Variants in EIF4G3 observed in about 807,000 individuals in gnomAD.
The protein encoded by EIF4G3 is eIF-4-gamma 3.
A neutral mutation model predicts 186.4 loss-of-function variants in EIF4G3; 34 were observed. The ratio of observed to expected loss-of-function variants is 0.18; its 90% CI spans 0.14 to 0.24. The LOEUF is 0.24. EIF4G3 is among the 10% of genes least tolerant of loss of function. The probability of loss-of-function intolerance (pLI) is 1.00; values close to 1 mark genes in which losing one functional copy is unlikely to be tolerated. For synonymous variants in EIF4G3, 673 were observed against 679.5 expected (o/e 0.99, Z 0.15); for missense variants, 1,536 against 1,948.5 (o/e 0.79, Z 3.99).
At chr1:21,060,339 G>A (rs1247462895) in intron 3 of EIF4G3, among the ~76,000 whole-genome samples, 3 of 152,208 alleles carry the variant, frequency 2.0e-5, no homozygotes, top group Non-Finnish European at 4.4e-5. Flanking sequence ...AATAAGGGGT[G>A]CCAGTGAATA....
intron 15 of EIF4G3, among the ~76,000 whole-genome samples, chr1:20,901,241 T>G (rs928894850): frequency 1.3e-5 from 2 of 152,142 alleles, no homozygotes; most frequent in Admixed American, 6.5e-5. Flanking sequence ...GTAGGTATCA[T>G]TTAAACATTG....
chr1:20,962,926 T>TTTTG (rs1558459454), intron 12 of EIF4G3, among the ~76,000 whole-genome samples: 1 of 150,890 alleles, frequency 6.6e-6, no homozygotes, highest in African/African-American at 2.4e-5. Context: ...TTTGTTTTTT[T>TTTTG]TTTTTTTGAG....
At chr1:20,972,213 GTTT>G (rs976024654) in intron 11 of EIF4G3, among the ~76,000 whole-genome samples, 1 of 152,068 alleles carries the variant, frequency 6.6e-6, no homozygotes, top group African/African-American at 2.4e-5. Context: ...TCTAAACTCT[GTTT>G]TTTGTTTCTT....
chr1:20,853,938 G>T (rs1033464757), intron 26 of EIF4G3, among the ~76,000 whole-genome samples: 6 of 152,266 alleles, frequency 3.9e-5, no homozygotes, highest in African/African-American at 1.4e-4. Flanking sequence ...GTGGCATATA[G>T]GAGGAGGAAG....
At position 20,865,218 on chromosome 1, in the gene EIF4G3, G is replaced by T; in HGVS notation, c.2667C>A (p.Phe889Leu). 7 of 1,614,054 alleles carry T rather than the reference G, an allele frequency of 4.3e-6. No individual in the cohort carries two copies. Among genetic ancestry groups the T allele is most frequent in the Non-Finnish European group, 5.9e-6 (7 of 1,179,990 alleles). ...MADKPGNTVN[F>L]RKLLLNRCQK... ...GGCAACGGTTCAGTAGCAGCTTCCG[G>T]AAATTCACTGTGTTACCAGGCTTGT... is the stretch of plus-strand genomic sequence containing the variant. Residue 889 changes from phenylalanine to leucine, a missense_variant, in exon 21 of 37, where the codon TTC becomes TTA. Transcript: ENST00000602326.
At chr1:21,068,646 CTCTGTG>C (rs1557806098) in intron 3 of EIF4G3, among the ~76,000 whole-genome samples, 1 of 152,132 alleles carries the variant, frequency 6.6e-6, no homozygotes, top group African/African-American at 2.4e-5. Context: ...GATACGTCAC[CTCTGTG>C]TCTATTTGCC....
intron 8 of EIF4G3, among the ~76,000 whole-genome samples, chr1:20,981,497 T>C (rs956117510): frequency 3.7e-5 from 5 of 136,046 alleles, no homozygotes; most frequent in Non-Finnish European, 8.3e-5. Context: ...TACATACATG[T>C]ATACGCACAT....
intron 30 of EIF4G3, among the ~76,000 whole-genome samples, chr1:20,831,850 T>C (rs1306318687): frequency 6.9e-6 from 1 of 144,742 alleles, no homozygotes; most frequent in African/African-American, 2.6e-5. Context: ...TGAGTGAGAA[T>C]ATGCGGTGTT....
intron 7 of EIF4G3, among the ~76,000 whole-genome samples, chr1:20,990,406 G>A (rs1306596369): frequency 2.0e-5 from 3 of 151,870 alleles, no homozygotes; most frequent in Non-Finnish European, 4.4e-5. Context: ...CGGGTGCGGT[G>A]GCACACACCT....
chr1:20,924,565 T>C (rs2094728933), intron 14 of EIF4G3, among the ~76,000 whole-genome samples: 1 of 152,116 alleles, frequency 6.6e-6, no homozygotes, highest in Non-Finnish European at 1.5e-5. Context: ...ATTGTTCTTT[T>C]TGTTTTGTTT....
chr1:21,155,262 C>CAAAAAAA (rs34182850), intron 2 of EIF4G3, among the ~76,000 whole-genome samples: 5 of 43,306 alleles, frequency 1.2e-4, no homozygotes, highest in South Asian at 1.4e-3. Flanking sequence ...GACTCTGTCT[C>CAAAAAAA]AAAAAAAAAA....
At chr1:21,160,968 C>T (rs1412372361) in intron 2 of EIF4G3, among the ~76,000 whole-genome samples, 2 of 151,990 alleles carry the variant, frequency 1.3e-5, no homozygotes, top group African/African-American at 2.4e-5. Flanking sequence ...GTCGGGAGTT[C>T]GTGACCAGCC....
At chr1:20,970,477 G>A (rs1211429686) in intron 11 of EIF4G3, among the ~76,000 whole-genome samples, 1 of 151,986 alleles carries the variant, frequency 6.6e-6, no homozygotes. Flanking sequence ...GCTGGGCGTG[G>A]TAGCACATGC....
At chr1:21,089,250 T>C (rs773794608) in intron 2 of EIF4G3, 37 bp from the exon 3 acceptor site, 17 of 711,342 alleles carry the variant, frequency 2.4e-5, no homozygotes, top group South Asian at 1.5e-4. Flanking sequence ...AATTCAAAAA[T>C]GGATGCTTAA....
chr1:21,012,598 C>CCTGGAGAA (rs535338128), intron 4 of EIF4G3, among the ~76,000 whole-genome samples: 18 of 152,240 alleles, frequency 1.2e-4, no homozygotes, highest in Admixed American at 1.1e-3. Context: ...CCGGTAAGAA[C>CCTGGAGAA]CTGGAGAACT....
intron 7 of EIF4G3, among the ~76,000 whole-genome samples, chr1:20,989,063 G>A (rs1360210913): frequency 4.5e-5 from 2 of 44,560 alleles, no homozygotes; most frequent in Admixed American, 1.9e-4. Flanking sequence ...GAGAGGAGGG[G>A]AGGGGAGGGG....
At chr1:21,175,420 T>C (rs1020796066) in intron 2 of EIF4G3, 1 of 152,174 alleles carries the variant, frequency 6.6e-6, no homozygotes, top group Non-Finnish European at 1.5e-5. Flanking sequence ...AGGAGTAAAT[T>C]AAAGCCCATT....
intron 4 of EIF4G3, chr1:21,003,842 GA>G: frequency 2.8e-6 from 1 of 352,064 alleles, no homozygotes; most frequent in South Asian, 2.3e-5. Flanking sequence ...TTAGAAACAG[GA>G]AAGCATGACC....
At chr1:20,935,911 G>A (rs1384104860) in intron 14 of EIF4G3, among the ~76,000 whole-genome samples, 1 of 152,220 alleles carries the variant, frequency 6.6e-6, no homozygotes, top group Non-Finnish European at 1.5e-5. Context: ...TGTCATGGAG[G>A]AGGATTAGTT....
Sources: allele counts gnomAD v4.1 joint callset (sites outside exome capture counted in the v4.1 genomes callset), GRCh38; gene constraint gnomAD v4.1.1; transcripts MANE v1.5; gene names NCBI Gene and HGNC (gene_info 2026-07-23, HGNC 2026-07-21).